The following NCKAP5 variants were observed in gnomAD, a reference collection of about 807,000 sequenced individuals.
NCKAP5 encodes nck-associated protein 5.
A neutral mutation model predicts 167.0 loss-of-function variants in NCKAP5; 92 were observed. The ratio of observed to expected loss-of-function variants is 0.55; its 90% CI spans 0.47 to 0.66. NCKAP5 has a LOEUF of 0.66. Ranked by LOEUF, NCKAP5 falls within the 30% of genes least tolerant of loss-of-function variation. NCKAP5 has a pLI of 0.00. For synonymous variants in NCKAP5, 891 were observed against 877.4 expected (o/e 1.02, Z -0.27); for missense variants, 2,378 against 2,315.0 (o/e 1.03, Z -0.56).
At position 133,544,019 on chromosome 2, in the gene NCKAP5, T is replaced by A. The variant is rs183123216; in HGVS notation, c.-62+15031A>T. Among the ~76,000 whole-genome samples the A allele has an allele frequency of 5.0e-3, 767 of 152,366 alleles. 7 individuals are homozygous for A. Among genetic ancestry groups the A allele is most frequent in the African/African-American group, 0.017 (715 of 41,584 alleles). On this transcript the variant is annotated intron_variant, in intron 2 of 19. Coordinates refer to ENST00000409261, the MANE Select transcript of NCKAP5 (RefSeq NM_207363.3). ...GAAATGAAGTTAAACTACTGAGCAA[T>A]GGATTTCTTTGCAAATAACTTATGC... is the stretch of plus-strand genomic sequence containing the variant.
intron 6 of NCKAP5, among the ~76,000 whole-genome samples, chr2:132,995,128 AC>A (rs2077555477): frequency 6.6e-6 from 1 of 152,222 alleles, no homozygotes; most frequent in Non-Finnish European, 1.5e-5. Context: ...CACTGTGAAC[AC>A]TGTACACTCT....
intron 12 of NCKAP5, among the ~76,000 whole-genome samples, chr2:132,795,820 G>GAAAAAAAAAAAAAAAAAAAAA (rs55826486): frequency 2.4e-5 from 2 of 85,016 alleles, no homozygotes; most frequent in African/African-American, 3.7e-5. Context: ...CCCCGTATCA[G>GAAAAAAAAAAAAAAAAAAAAA]AAAAAAAAAA....
chr2:133,452,610 A>G (rs1175274185), intron 3 of NCKAP5, among the ~76,000 whole-genome samples: 1 of 152,140 alleles, frequency 6.6e-6, no homozygotes, highest in Non-Finnish European at 1.5e-5. Context: ...CTCAAACAAC[A>G]CCTGTTTAAC....
chr2:133,635,668 A>G, the NCKAP5 span, among the ~76,000 whole-genome samples: 2 of 152,242 alleles, frequency 1.3e-5, no homozygotes, highest in African/African-American at 4.8e-5. Context: ...CAAGCAACTT[A>G]TTTAAATAAT....
intron 3 of NCKAP5, among the ~76,000 whole-genome samples, chr2:133,437,330 G>A (rs1040893092): frequency 6.7e-6 from 1 of 150,362 alleles, no homozygotes; most frequent in Admixed American, 6.6e-5. Flanking sequence ...TCCAGCCTGG[G>A]TGACAGTGCG....
chr2:133,526,215 G>GGAAA lies in NCKAP5; in HGVS notation c.-61-8629_-61-8628insTTTC, dbSNP rs1332826376. On this transcript the variant is annotated intron_variant, in intron 2 of 19. Coordinates refer to ENST00000409261, the MANE Select transcript of NCKAP5 (RefSeq NM_207363.3). ...AGGAAGGAAGGAAGGAAGGAAGGAA[G>GGAAA]GAAGGAAGGAAGAAAGGAAAGGAGG... 3.7e-5 allele frequency among the ~76,000 whole-genome samples: 5 copies of GGAAA among 134,112 alleles called. 1 individual carries two copies. Among genetic ancestry groups the GGAAA allele is most frequent in the Admixed American group, 3.3e-4 (4 of 12,074 alleles). 88.0% of individuals were successfully genotyped at this position (134,112 alleles called of 152,430 possible). A position where few individuals can be genotyped will look rare whatever the true frequency, so the allele number is the denominator to read the frequency against.
At chr2:133,287,259 C>A (rs1010233493) in intron 4 of NCKAP5, among the ~76,000 whole-genome samples, 4 of 152,136 alleles carry the variant, frequency 2.6e-5, no homozygotes, top group South Asian at 2.1e-4. Context: ...TAGTCACCAG[C>A]TTTGTGGATA....
intron 3 of NCKAP5, among the ~76,000 whole-genome samples, chr2:133,408,103 G>A (rs551558451): frequency 7.2e-5 from 11 of 152,268 alleles, no homozygotes; most frequent in African/African-American, 2.4e-4. Flanking sequence ...GTCCATTGGG[G>A]AGCCAGGACC....
chr2:132,964,741 C>T (rs1285377658), intron 7 of NCKAP5, among the ~76,000 whole-genome samples: 1 of 152,134 alleles, frequency 6.6e-6, no homozygotes, highest in East Asian at 1.9e-4. Context: ...TGTCAACCAT[C>T]TGAACAAAAC....
chr2:132,800,101 T>G (rs1194890756), intron 11 of NCKAP5, among the ~76,000 whole-genome samples: 1 of 152,200 alleles, frequency 6.6e-6, no homozygotes, highest in Non-Finnish European at 1.5e-5. Flanking sequence ...ATACTGATAC[T>G]ATATTACCTG....
the NCKAP5 span, among the ~76,000 whole-genome samples, chr2:133,648,849 T>TAA: frequency 5.1e-4 from 70 of 136,856 alleles, no homozygotes; most frequent in Admixed American, 1.4e-3. Flanking sequence ...CTAAGGGAAT[T>TAA]AAAAAAAAAA....
At chr2:133,291,627 T>C (rs915920959) in intron 4 of NCKAP5, among the ~76,000 whole-genome samples, 6 of 152,176 alleles carry the variant, frequency 3.9e-5, no homozygotes, top group Non-Finnish European at 5.9e-5. Context: ...TGACATTTAA[T>C]CACTGAGTGT....
chr2:133,183,557 A>C (rs1350601711), intron 5 of NCKAP5, among the ~76,000 whole-genome samples: 1 of 128,442 alleles, frequency 7.8e-6, no homozygotes, highest in Non-Finnish European at 1.6e-5. Flanking sequence ...ATGGGAATGG[A>C]GGGGAACTTC....
At chr2:132,995,918 G>A (rs2077585272) in intron 6 of NCKAP5, among the ~76,000 whole-genome samples, 1 of 152,002 alleles carries the variant, frequency 6.6e-6, no homozygotes, top group African/African-American at 2.4e-5. Flanking sequence ...AGGTTGCAGT[G>A]AGCTGAGATC....
intron 3 of NCKAP5, among the ~76,000 whole-genome samples, chr2:133,392,283 A>G (rs748734901): frequency 2.2e-4 from 34 of 152,200 alleles, no homozygotes; most frequent in Non-Finnish European, 4.6e-4. Flanking sequence ...GTAGAACATA[A>G]CATGCTGTAA....
At chr2:133,323,401 C>T (rs1201737107) in intron 3 of NCKAP5, among the ~76,000 whole-genome samples, 1 of 152,276 alleles carries the variant, frequency 6.6e-6, no homozygotes, top group East Asian at 1.9e-4. Flanking sequence ...AGCATCTATC[C>T]TATTTCAGCA....
intron 6 of NCKAP5, among the ~76,000 whole-genome samples, chr2:133,057,007 C>T (rs1368935876): frequency 6.6e-6 from 1 of 152,138 alleles, no homozygotes; most frequent in Non-Finnish European, 1.5e-5. Flanking sequence ...GTCATTCGTG[C>T]AATATTTCAA....
chr2:133,138,377 A>C (rs539322334), intron 5 of NCKAP5, among the ~76,000 whole-genome samples: 1 of 152,326 alleles, frequency 6.6e-6, no homozygotes, highest in Non-Finnish European at 1.5e-5. Flanking sequence ...TTATTTATCA[A>C]CTAGGGCTAC....
chr2:133,310,022 C>T (rs967605477), intron 3 of NCKAP5, among the ~76,000 whole-genome samples: 1 of 152,186 alleles, frequency 6.6e-6, no homozygotes, highest in African/African-American at 2.4e-5. Flanking sequence ...GCCAGCTGTT[C>T]AAATCAACAC....
Sources: gnomAD v4.1 joint callset for allele counts (sites outside exome capture counted in the v4.1 genomes callset) on GRCh38, gnomAD v4.1.1 for gene constraint, MANE v1.5 for transcripts, NCBI Gene and HGNC (gene_info 2026-07-23, HGNC 2026-07-21) for gene names.